The following MCOLN2 variants were observed in gnomAD, a reference collection of about 807,000 sequenced individuals.
The protein encoded by MCOLN2 is mucolipin TRP cation channel 2.
MCOLN2 carries 57 observed loss-of-function variants against 67.5 expected under a neutral mutation model. The observed-to-expected ratio is 0.84, with a 90% CI of 0.68 to 1.05. MCOLN2 has a LOEUF of 1.05. MCOLN2 is among the 50% of genes least tolerant of loss of function. The pLI is 0.00. For synonymous variants in MCOLN2, 246 were observed against 233.3 expected, an observed-to-expected ratio of 1.05 and a Z score of -0.50; for missense variants, 620 against 678.8, an observed-to-expected ratio of 0.91 and a Z score of 0.96.
intron 6 of MCOLN2, among the ~76,000 whole-genome samples, chr1:84,948,655 T>A (rs1334803645): frequency 6.6e-6 from 1 of 152,126 alleles, no homozygotes; most frequent in Non-Finnish European, 1.5e-5. Flanking sequence ...CTCAGTGAGA[T>A]ATAAAAGAAT....
At chr1:84,970,836 G>C (rs1649643602) in intron 1 of MCOLN2, among the ~76,000 whole-genome samples, 1 of 152,220 alleles carries the variant, frequency 6.6e-6, no homozygotes, top group African/African-American at 2.4e-5. Flanking sequence ...CCTGGAAACA[G>C]AGAGTGCTTG....
At chr1:84,932,134 TC>T (rs1216942721) in intron 11 of MCOLN2, among the ~76,000 whole-genome samples, 2 of 151,646 alleles carry the variant, frequency 1.3e-5, no homozygotes, top group African/African-American at 4.9e-5. Flanking sequence ...AAAACCAGGA[TC>T]TAACAAGTTT....
chr1:84,970,952 T>C (rs547350522), intron 1 of MCOLN2, among the ~76,000 whole-genome samples: 1 of 152,188 alleles, frequency 6.6e-6, no homozygotes, highest in Non-Finnish European at 1.5e-5. Flanking sequence ...GATGTTAGCA[T>C]TGCCCTAAGA....
chr1:84,940,942 C>T lies in MCOLN2; in HGVS notation c.897G>A (p.Val299=). 1 of 1,613,756 alleles carries T rather than the reference C, an allele frequency of 6.2e-7. No homozygotes were observed. Among genetic ancestry groups the T allele is most frequent in the Non-Finnish European group, 8.5e-7 (1 of 1,179,840 alleles). Residue 299 remains valine (V), a synonymous_variant, in exon 8 of 14, where the codon GTG becomes GTA. Coordinates refer to ENST00000370608, the MANE Select transcript of MCOLN2 (RefSeq NM_153259.4). ...YVLVFDAFVI[V]ICLASLILCT... is the part of the protein sequence containing the mutation. ...ACAGAATAAGAGATGCCAAGCAAAT[C>T]ACAATGACAAATGCATCAAACACCA...
At chr1:84,990,178 A>G (rs1213725316) in intron 1 of MCOLN2, among the ~76,000 whole-genome samples, 1 of 151,560 alleles carries the variant, frequency 6.6e-6, no homozygotes, top group Non-Finnish European at 1.5e-5. Flanking sequence ...TGCTCCTGTA[A>G]TCCCAGCTGC....
intron 4 of MCOLN2, among the ~76,000 whole-genome samples, chr1:84,954,119 G>A (rs543582816): frequency 6.6e-6 from 1 of 152,276 alleles, no homozygotes; most frequent in East Asian, 1.9e-4. Flanking sequence ...CTTGCTAAAC[G>A]CCCATTGCCT....
intron 8 of MCOLN2, among the ~76,000 whole-genome samples, 182 bp from the exon 9 acceptor site, chr1:84,939,884 C>T: frequency 6.6e-6 from 1 of 152,162 alleles, no homozygotes; most frequent in East Asian, 1.9e-4. Flanking sequence ...AGTAAGCATT[C>T]AATTGTCTGT....
At chr1:84,993,079 T>A (rs945104096) in intron 1 of MCOLN2, among the ~76,000 whole-genome samples, 2 of 152,378 alleles carry the variant, frequency 1.3e-5, no homozygotes, top group Non-Finnish European at 2.9e-5. Flanking sequence ...TGCTGTTTTA[T>A]CAACTATGTT....
chr1:84,941,066 A>T, intron 7 of MCOLN2, 75 bp from the exon 8 acceptor site: 1 of 903,926 alleles, frequency 1.1e-6, no homozygotes, highest in East Asian at 2.7e-5. Flanking sequence ...TGGCAGTGTG[A>T]AAAGAAGTTC....
intron 1 of MCOLN2, among the ~76,000 whole-genome samples, chr1:84,967,070 T>G (rs912567361): frequency 6.6e-6 from 1 of 152,230 alleles, no homozygotes; most frequent in East Asian, 1.9e-4. Flanking sequence ...GCTCAACTTT[T>G]ACTGTTGGGT....
At chr1:84,935,986 G>GA (rs1289671418) in intron 11 of MCOLN2, among the ~76,000 whole-genome samples, 1 of 152,204 alleles carries the variant, frequency 6.6e-6, no homozygotes, top group African/African-American at 2.4e-5. Context: ...ATAATACCAA[G>GA]AAAAGCTCTA....
Position 84,926,386 on chromosome 1 carries a change from A to G in MCOLN2, c.*299T>C. 3.6e-6 allele frequency: 1 copy of G among 281,654 alleles called. No homozygotes were observed. Among genetic ancestry groups the G allele is most frequent in the East Asian group, 5.9e-5 (1 of 16,936 alleles). The allele number at this position is 281,654 out of a possible 1,614,324, so 17.4% of individuals were successfully genotyped here. ...AGACTATTATTTCGCACACTCTGAA[A>G]TGATCTTTTTCCATTCCGAGATCAT... is the stretch of plus-strand genomic sequence containing the variant. On this transcript the variant is annotated 3_prime_UTR_variant, in exon 14 of 14. Coordinates refer to ENST00000370608, the MANE Select transcript of MCOLN2 (RefSeq NM_153259.4).
chr1:84,928,362 C>T (rs946666663), intron 13 of MCOLN2, among the ~76,000 whole-genome samples: 1 of 152,116 alleles, frequency 6.6e-6, no homozygotes, highest in Non-Finnish European at 1.5e-5. Flanking sequence ...TGCGTCTCAC[C>T]ACTCAGACCC....
At chr1:84,993,909 T>C (rs962699525) in intron 1 of MCOLN2, among the ~76,000 whole-genome samples, 1 of 151,632 alleles carries the variant, frequency 6.6e-6, no homozygotes, top group African/African-American at 2.4e-5. Flanking sequence ...GGATTACAGG[T>C]GTGAGCCACC....
In MCOLN2 at chr1:84,940,902, C is replaced by A; in HGVS notation, c.937G>T (p.Val313Phe). The A allele has an allele frequency of 6.2e-7, 1 of 1,612,968 alleles. No individual in the cohort carries two copies. The highest frequency in any genetic ancestry group is 8.5e-7 in the Non-Finnish European group (1 of 1,179,358). Residue 313 changes from valine to phenylalanine, a missense_variant, in exon 8 of 14, where the codon GTT (valine) becomes TTT (phenylalanine). By Grantham distance (50) the Val-to-Phe change is conservative. Coordinates refer to ENST00000370608, the MANE Select transcript of MCOLN2 (RefSeq NM_153259.4). ...ACCTTCCGTAACCTTAGAGCAAGAA[C>A]AATGGATCTTGTACACAGAATAAGA... ...ASLILCTRSIVLALRLRKRFL... is the reference protein window; with the variant it reads ...ASLILCTRSIFLALRLRKRFL...
chr1:84,945,154 A>T (rs1014059734), intron 7 of MCOLN2, among the ~76,000 whole-genome samples: 1 of 152,184 alleles, frequency 6.6e-6, no homozygotes, highest in African/African-American at 2.4e-5. Flanking sequence ...CTCTCTTCTG[A>T]GCACAAGCAA....
chr1:84,936,121 T>C (rs975190318), intron 11 of MCOLN2, among the ~76,000 whole-genome samples: 9 of 152,178 alleles, frequency 5.9e-5, no homozygotes, highest in Admixed American at 1.3e-4. Context: ...CTATTCTCTG[T>C]AACAGGACAA....
chr1:84,950,129 C>A (rs183674084), intron 6 of MCOLN2, among the ~76,000 whole-genome samples: 1 of 152,210 alleles, frequency 6.6e-6, no homozygotes, highest in Non-Finnish European at 1.5e-5. Flanking sequence ...CAATTAGAGG[C>A]TAAGGAACTC....
chr1:84,940,590 G>A (rs1428301126), intron 8 of MCOLN2, among the ~76,000 whole-genome samples: 1 of 152,160 alleles, frequency 6.6e-6, no homozygotes, highest in Non-Finnish European at 1.5e-5. Flanking sequence ...AGAGGGATTT[G>A]TTATTCTGGA....
Sources: allele counts gnomAD v4.1 joint callset (sites outside exome capture counted in the v4.1 genomes callset), GRCh38; gene constraint gnomAD v4.1.1; transcripts MANE v1.5; gene names NCBI Gene and HGNC (gene_info 2026-07-23, HGNC 2026-07-21).